Variants in CFAP54 observed in about 807,000 individuals in gnomAD.
CFAP54 encodes cilia- and flagella-associated protein 54.
A neutral mutation model predicts 370.4 loss-of-function variants in CFAP54; 290 were observed. That is an observed-to-expected ratio of 0.78 (90% confidence interval 0.71 to 0.86). CFAP54 has a LOEUF of 0.86. CFAP54 is among the 40% of genes least tolerant of loss of function. The probability of loss-of-function intolerance (pLI) is 0.00; values close to 1 mark genes in which losing one functional copy is unlikely to be tolerated. For synonymous variants in CFAP54, 1,206 were observed against 1,236.5 expected (o/e 0.98, Z 0.52); for missense variants, 3,399 against 3,528.7 (o/e 0.96, Z 0.93).
chr12:96,700,206 C>G (rs1592714894), intron 46 of CFAP54, 113 bp downstream of exon 46: 1 of 1,189,048 alleles, frequency 8.4e-7, no homozygotes, highest in East Asian at 2.6e-5. Flanking sequence ...TTTTAGCCCT[C>G]TTTGTTAAGC....
At chr12:96,728,678 G>A (rs1485907055) in intron 50 of CFAP54, among the ~76,000 whole-genome samples, 1 of 152,160 alleles carries the variant, frequency 6.6e-6, no homozygotes, top group Non-Finnish European at 1.5e-5. Context: ...CTCTCAACTC[G>A]TCAAAGTCAT....
intron 19 of CFAP54, among the ~76,000 whole-genome samples, chr12:96,567,690 C>A (rs969241777): frequency 6.6e-6 from 1 of 151,970 alleles, no homozygotes; most frequent in African/African-American, 2.4e-5. Context: ...CTTCTTAGAG[C>A]CTGAAGAGAG....
intron 45 of CFAP54, 57 bp downstream of exon 45, chr12:96,693,865 T>C (rs1160383455): frequency 3.6e-6 from 4 of 1,113,790 alleles, no homozygotes; most frequent in Non-Finnish European, 5.3e-6. Context: ...GATATTGTCA[T>C]GTATTAATTT....
chr12:96,841,607 TG>T (rs1200965373), intron 66 of CFAP54, among the ~76,000 whole-genome samples: 2 of 152,246 alleles, frequency 1.3e-5, no homozygotes, highest in Admixed American at 1.3e-4. Context: ...TTGAGATTTT[TG>T]CATCTATTCC....
chr12:96,699,655 A>G (rs557177034), intron 45 of CFAP54, among the ~76,000 whole-genome samples: 6 of 152,290 alleles, frequency 3.9e-5, no homozygotes, highest in African/African-American at 1.4e-4. Context: ...AATCATTAAA[A>G]AAACTTTTAT....
At chr12:96,757,813 A>T (rs1389884887) in intron 58 of CFAP54, among the ~76,000 whole-genome samples, 2 of 152,186 alleles carry the variant, frequency 1.3e-5, no homozygotes, top group East Asian at 3.8e-4. Context: ...CTGCCTGTGA[A>T]AATGTTATCC....
At chr12:96,867,753 G>C (rs1960042232) in intron 67 of CFAP54, among the ~76,000 whole-genome samples, 1 of 152,082 alleles carries the variant, frequency 6.6e-6, no homozygotes, top group Non-Finnish European at 1.5e-5. Context: ...ACTAGAGGAG[G>C]GGCTGTTGAG....
chr12:96,694,753 A>G (rs1410988543), intron 45 of CFAP54, among the ~76,000 whole-genome samples: 1 of 151,884 alleles, frequency 6.6e-6, no homozygotes, highest in Non-Finnish European at 1.5e-5. Flanking sequence ...GCCAGGCATG[A>G]TGTCTCACGC....
chr12:96,820,833 C>A (rs1373034865), intron 65 of CFAP54, among the ~76,000 whole-genome samples: 3 of 152,010 alleles, frequency 2.0e-5, no homozygotes, highest in Non-Finnish European at 4.4e-5. Context: ...TGTAGAATAC[C>A]TACAATGACA....
intron 39 of CFAP54, among the ~76,000 whole-genome samples, chr12:96,679,310 A>C (rs1438611155): frequency 2.6e-5 from 4 of 152,174 alleles, no homozygotes; most frequent in Non-Finnish European, 5.9e-5. Context: ...TATGATCAGC[A>C]AAAGAAAAAG....
At chr12:96,651,455 C>T (rs1351466286) in intron 35 of CFAP54, 133 bp from the exon 36 acceptor site, 1 of 699,370 alleles carries the variant, frequency 1.4e-6, no homozygotes, top group African/African-American at 1.8e-5. Context: ...GTGTCTAACT[C>T]ATGTAAGTGA....
chr12:96,501,653 G>A (rs1446748508), intron 2 of CFAP54, among the ~76,000 whole-genome samples: 2 of 152,276 alleles, frequency 1.3e-5, no homozygotes, highest in East Asian at 3.9e-4. Context: ...TCAGACAATG[G>A]GATCTTAGGC....
At chr12:96,700,683 G>A (rs978078598) in intron 46 of CFAP54, among the ~76,000 whole-genome samples, 3 of 152,118 alleles carry the variant, frequency 2.0e-5, no homozygotes, top group Non-Finnish European at 4.4e-5. Flanking sequence ...GACGTTTAAA[G>A]CATAAATTAA....
At chr12:96,507,201 A>G in intron 4 of CFAP54, 102 bp downstream of exon 4, 3 of 871,926 alleles carry the variant, frequency 3.4e-6, no homozygotes, top group Non-Finnish European at 4.9e-6. Flanking sequence ...AAACATACGC[A>G]TTTCATAATA....
rs748133677 is a variant in CFAP54 at position 96,679,601 on chromosome 12, A to G, written c.5565A>G (p.Glu1855=). 1 of 1,611,278 alleles carries G rather than the reference A, an allele frequency of 6.2e-7. No individual in the cohort carries two copies. Among genetic ancestry groups the G allele is most frequent in the Non-Finnish European group, 8.5e-7 (1 of 1,178,804 alleles). The change falls in exon 40 of 68, where the codon GAA becomes GAG. Residue 1855 remains glutamate (E), a splice_region_variant and synonymous_variant. Coordinates refer to ENST00000524981, the MANE Select transcript of CFAP54 (RefSeq NM_001306084.2). ...TATTCCGCTTTTCTTTCCTTTCAGA[A>G]TACAGCCGAGCCAAAGCGCTTGTCT... The part of the protein sequence containing the change: ...TDLLKMLISS[E]YSRAKALVCV...
At chr12:96,660,117 A>G (rs888081589) in intron 38 of CFAP54, among the ~76,000 whole-genome samples, 2 of 152,246 alleles carry the variant, frequency 1.3e-5, no homozygotes, top group African/African-American at 2.4e-5. Context: ...AGGGTGATCT[A>G]GAAGACTTCT....
chr12:96,798,583 C>G (rs1958789646), intron 63 of CFAP54, among the ~76,000 whole-genome samples: 1 of 152,018 alleles, frequency 6.6e-6, no homozygotes, highest in African/African-American at 2.4e-5. Context: ...TGGGTAAGAA[C>G]ACATACTCTG....
At position 96,518,970 on chromosome 12, in the gene CFAP54, T is replaced by G. The variant is rs1360136063; in HGVS notation, c.841T>G (p.Leu281Val). ...GTGGGCCAGCATGTGTATGGAGTCC[T>G]TGGTCCCGCTCCTGTCACTCAGGTA... is the stretch of plus-strand genomic sequence containing the variant. ...LLWASMCMES[L>V]VPLLSLRYLT... is the part of the protein sequence containing the mutation. The change falls in exon 6 of 68, where the codon TTG becomes GTG. Residue 281 changes from leucine to valine, a missense_variant. By Grantham distance (32) the Leu-to-Val change is conservative. Coordinates refer to ENST00000524981, the MANE Select transcript of CFAP54 (RefSeq NM_001306084.2). 1 of 1,536,054 alleles carries G rather than the reference T, an allele frequency of 6.5e-7. No individual in the cohort carries two copies. Among genetic ancestry groups the G allele is most frequent in the Admixed American group, 2.0e-5 (1 of 50,990 alleles).
At chr12:96,679,827 C>T in intron 40 of CFAP54, 75 bp downstream of exon 40, 2 of 1,423,472 alleles carry the variant, frequency 1.4e-6, no homozygotes, top group South Asian at 1.3e-5. Flanking sequence ...CTCTTCTGCC[C>T]TCTCATTCTT....
Sources: gnomAD v4.1 joint callset for allele counts (sites outside exome capture counted in the v4.1 genomes callset) on GRCh38, gnomAD v4.1.1 for gene constraint, MANE v1.5 for transcripts, NCBI Gene and HGNC (gene_info 2026-07-23, HGNC 2026-07-21) for gene names.